The following PSD3 variants were observed in gnomAD, a reference collection of about 807,000 sequenced individuals.
PSD3 encodes PH and SEC7 domain-containing protein 3.
In PSD3, 49 loss-of-function variants were observed where a neutral mutation model predicts 105.5. The observed-to-expected ratio is 0.46, with a 90% CI of 0.37 to 0.59. The LOEUF (loss-of-function observed/expected upper bound fraction) is 0.59, where lower values mean the gene tolerates loss of function less well. PSD3 is among the 20% of genes least tolerant of loss of function. The pLI is 0.00. For synonymous variants in PSD3, 557 were observed against 457.8 expected, an observed-to-expected ratio of 1.22 and a Z score of -2.77; for missense variants, 1,561 against 1,263.8, an observed-to-expected ratio of 1.24 and a Z score of -3.57.
chr8:18,574,521 A>G (rs760416139), intron 13 of PSD3, among the ~76,000 whole-genome samples: 21 of 152,190 alleles, frequency 1.4e-4, no homozygotes, highest in Admixed American at 2.6e-4. Flanking sequence ...ACCTCCCCCT[A>G]AAACTGGCAA....
At chr8:18,578,574 T>G (rs934324980) in intron 12 of PSD3, among the ~76,000 whole-genome samples, 1 of 152,084 alleles carries the variant, frequency 6.6e-6, no homozygotes, top group African/African-American at 2.4e-5. Flanking sequence ...CTGCTACAGG[T>G]GAATAGGAAA....
At chr8:18,712,297 G>A (rs1203954630) in intron 9 of PSD3, among the ~76,000 whole-genome samples, 1 of 149,010 alleles carries the variant, frequency 6.7e-6, no homozygotes, top group Non-Finnish European at 1.5e-5. Flanking sequence ...AAGGAGATAG[G>A]GACATGAAAA....
Position 18,782,962 on chromosome 8 carries a change from G to A in PSD3, c.2082+16333C>T, listed in dbSNP as rs114952645. Among the ~76,000 whole-genome samples, 573 of 152,234 alleles carry A rather than the reference G, an allele frequency of 3.8e-3. 6 individuals are homozygous for A. The highest frequency in any genetic ancestry group is 0.013 in the African/African-American group (553 of 41,538). On this transcript the variant is annotated intron_variant, in intron 8 of 15. Transcript: ENST00000327040. ...TTAGAATGCAAGAAATATTCATAAG[G>A]GATATCTTTATCATGACTTGTCTCA...
chr8:18,786,529 C>A (rs1809175776), intron 8 of PSD3, among the ~76,000 whole-genome samples: 1 of 152,138 alleles, frequency 6.6e-6, no homozygotes, highest in Non-Finnish European at 1.5e-5. Flanking sequence ...TCTATGTCAG[C>A]ACAAAGATAC....
chr8:18,720,633 G>A (rs1802907201), intron 9 of PSD3, among the ~76,000 whole-genome samples: 1 of 152,130 alleles, frequency 6.6e-6, no homozygotes. Flanking sequence ...CATACTGAAT[G>A]TGCCAGTAAA....
intron 10 of PSD3, among the ~76,000 whole-genome samples, chr8:18,639,683 A>T (rs1563410091): frequency 6.6e-6 from 1 of 152,184 alleles, no homozygotes; most frequent in Non-Finnish European, 1.5e-5. Context: ...AGGAGGAAAC[A>T]ACCCTATTTT....
At chr8:18,790,466 CTAATTTTT>C (rs1809605585) in intron 8 of PSD3, among the ~76,000 whole-genome samples, 1 of 151,860 alleles carries the variant, frequency 6.6e-6, no homozygotes, top group African/African-American at 2.4e-5. Context: ...CCATGCCTGG[CTAATTTTT>C]TGTATTTTTA....
intron 15 of PSD3, among the ~76,000 whole-genome samples, chr8:18,549,205 G>T (rs1168431694): frequency 7.6e-6 from 1 of 132,028 alleles, no homozygotes; most frequent in Non-Finnish European, 1.6e-5. Flanking sequence ...TTTTGAGACA[G>T]AGTTTCACTC....
intron 8 of PSD3, among the ~76,000 whole-genome samples, chr8:18,780,037 T>G (rs888289329): frequency 2.0e-5 from 3 of 152,214 alleles, no homozygotes; most frequent in African/African-American, 7.2e-5. Flanking sequence ...ACACCTAATC[T>G]GATTTTATTG....
At chr8:18,953,240 C>A (rs1257180583) in intron 1 of PSD3, among the ~76,000 whole-genome samples, 5 of 152,182 alleles carry the variant, frequency 3.3e-5, no homozygotes, top group African/African-American at 1.2e-4. Context: ...AACTGATAAA[C>A]TCCTGGTTGG....
At chr8:18,964,658 G>T (rs534065029) in intron 1 of PSD3, among the ~76,000 whole-genome samples, 7 of 152,188 alleles carry the variant, frequency 4.6e-5, no homozygotes, top group African/African-American at 1.7e-4. Flanking sequence ...AAAGCTGCTG[G>T]AATGTCCTGA....
At chr8:18,882,865 G>A (rs576720745) in intron 2 of PSD3, among the ~76,000 whole-genome samples, 19 of 147,944 alleles carry the variant, frequency 1.3e-4, no homozygotes, top group East Asian at 3.9e-4. Flanking sequence ...ACACACACAC[G>A]CACGCACACA....
intron 9 of PSD3, among the ~76,000 whole-genome samples, chr8:18,752,549 TATATA>T (rs1805626257): frequency 1.5e-4 from 2 of 13,062 alleles, no homozygotes; most frequent in African/African-American, 4.1e-4. Context: ...ATATATATTA[TATATA>T]ATTATATATA....
intron 4 of PSD3, among the ~76,000 whole-genome samples, chr8:18,856,735 C>G (rs1367997003): frequency 6.6e-6 from 1 of 152,142 alleles, no homozygotes; most frequent in African/African-American, 2.4e-5. Context: ...ATTGAAGGCT[C>G]TTAGAATTAT....
At position 18,532,958 on chromosome 8, in the gene PSD3, G is replaced by T. The variant is rs999915145; in HGVS notation, c.*2785C>A. 1 of 152,266 alleles carries T rather than the reference G, an allele frequency of 6.6e-6. No individual in the cohort carries two copies. The highest frequency in any genetic ancestry group is 2.1e-4 in the South Asian group (1 of 4,818). The allele number at this position is 152,266 out of a possible 1,614,324, so 9.4% of individuals were successfully genotyped here. On this transcript the variant is annotated 3_prime_UTR_variant, in exon 16 of 16. Transcript: ENST00000327040. ...TTATCATATGGAAGGAAGTCCCAAG[G>T]CTCCTGGGCGCTGAGGTGGGCGACG...
intron 1 of PSD3, among the ~76,000 whole-genome samples, chr8:18,981,424 G>A (rs1171839925): frequency 2.0e-5 from 3 of 152,176 alleles, no homozygotes; most frequent in Non-Finnish European, 4.4e-5. Context: ...ACTAGTGGGT[G>A]ACCTTGGATA....
intron 11 of PSD3, among the ~76,000 whole-genome samples, chr8:18,615,500 G>A (rs1805592630): frequency 6.6e-6 from 1 of 152,182 alleles, no homozygotes; most frequent in African/African-American, 2.4e-5. Context: ...GTGTCTTGCT[G>A]AGAATTAAAA....
intron 14 of PSD3, among the ~76,000 whole-genome samples, chr8:18,572,081 G>C (rs193228477): frequency 2.6e-5 from 4 of 152,288 alleles, no homozygotes; most frequent in Admixed American, 1.3e-4. Flanking sequence ...CTGAGGGGTA[G>C]GGCAGGCCAT....
At chr8:18,540,629 C>T (rs866201357) in intron 15 of PSD3, among the ~76,000 whole-genome samples, 69 of 152,288 alleles carry the variant, frequency 4.5e-4, no homozygotes, top group African/African-American at 1.6e-3. Flanking sequence ...TAGTCTGGAC[C>T]GAGCTCATCA....
Sources: allele counts gnomAD v4.1 joint callset (sites outside exome capture counted in the v4.1 genomes callset), GRCh38; gene constraint gnomAD v4.1.1; transcripts MANE v1.5; gene names NCBI Gene and HGNC (gene_info 2026-07-23, HGNC 2026-07-21).